Variants in TFDP1 observed in about 807,000 individuals in gnomAD.
TFDP1 encodes the protein DRTF1-polypeptide 1.
In TFDP1, 6 loss-of-function variants were observed where a neutral mutation model predicts 48.0. That is an observed-to-expected ratio of 0.13 (90% CI 0.07 to 0.25). The LOEUF (loss-of-function observed/expected upper bound fraction) is 0.25. Among genes scored for constraint, TFDP1 ranks in the 10% least tolerant of loss-of-function variants. The pLI, the probability that TFDP1 is intolerant of heterozygous loss-of-function variation, is 1.00. For synonymous variants in TFDP1, 201 were observed against 211.6 expected (o/e 0.95, Z 0.44); for missense variants, 335 against 543.0 (o/e 0.62, Z 3.81).
rs4150756 is a variant in TFDP1, at chr13:113,623,226, C to T, written c.126C>T (p.Leu42=). 5.7e-3 allele frequency: 9,184 copies of T among 1,613,614 alleles called. 287 individuals are homozygous for T. In the East Asian group the frequency reaches 0.091, roughly 16 times the overall value. Residue 42 remains leucine, a synonymous_variant, in exon 4 of 12, where the codon CTC becomes CTT. Transcript: ENST00000375370. This position sits in a 1 kb window ranked among gnomAD's most constrained non-coding sequence, Gnocchi z 5.2. ...VAVHPSTVNP[L]GKQLLPKTFG... The stretch of plus-strand genomic sequence containing the variant: ...TTCACCCCTCCACCGTCAACCCGCT[C>T]GGGAAGCAGCTCTTGCCAAAAACCT...
rs1177063356 is a variant in TFDP1, at chr13:113,586,843, G to A, written c.12+994G>A. 2.0e-5 allele frequency among the ~76,000 whole-genome samples: 3 copies of A among 152,246 alleles called. 1 individual carries two copies. The highest frequency in any genetic ancestry group is 4.4e-5 in the Non-Finnish European group (3 of 68,052). On this transcript the variant is annotated intron_variant, in intron 2 of 11. Transcript: ENST00000375370. ...GTGTGTGAGCACCCAGGTGGACCCA[G>A]TGTGAGTTTTTGAAGTCATATCTGG...
intron 3 of TFDP1, among the ~76,000 whole-genome samples, chr13:113,614,272 TGTG>T (rs2048801602): frequency 6.6e-6 from 1 of 151,932 alleles, no homozygotes; most frequent in Admixed American, 6.6e-5. Flanking sequence ...GTGTGTGAGT[TGTG>T]TGTGTGTAAG....
At chr13:113,626,486 C>G (rs2049182543) in intron 4 of TFDP1, among the ~76,000 whole-genome samples, 1 of 152,024 alleles carries the variant, frequency 6.6e-6, no homozygotes, top group Non-Finnish European at 1.5e-5. Context: ...TCCCCGCGCT[C>G]CCTTCCCCGC....
intron 5 of TFDP1, among the ~76,000 whole-genome samples, chr13:113,632,676 G>T (rs556043685): frequency 6.6e-6 from 1 of 152,238 alleles, no homozygotes; most frequent in Non-Finnish European, 1.5e-5. Context: ...TACTCGGGAG[G>T]CTGAGGCAGG....
At chr13:113,585,966 A>G (rs2047993268) in intron 2 of TFDP1, 117 bp downstream of exon 2, 1 of 1,223,478 alleles carries the variant, frequency 8.2e-7, no homozygotes, top group African/African-American at 1.5e-5. Flanking sequence ...TTATTTTCAG[A>G]CTTTTAAAGC....
At chr13:113,586,912 G>A (rs11617870) in intron 2 of TFDP1, among the ~76,000 whole-genome samples, 18,660 of 152,214 alleles carry the variant, frequency 0.12, 1,656 homozygotes, top group Admixed American at 0.26. Flanking sequence ...GTGCTTGTCC[G>A]TACCATGCCC....
rs2049398278 is a variant in TFDP1 at position 113,633,679 on chromosome 13, G to A, written c.475-211G>A. 6.6e-6 allele frequency among the ~76,000 whole-genome samples: 1 copy of A among 152,134 alleles called. No individual in the cohort carries two copies. The highest frequency in any genetic ancestry group is 6.5e-5 in the Admixed American group (1 of 15,276). On this transcript the variant is annotated intron_variant, in intron 6 of 11. Coordinates refer to ENST00000375370, the MANE Select transcript of TFDP1 (RefSeq NM_007111.5). The surrounding 1 kb of genome is among the most constrained non-coding windows in gnomAD (Gnocchi z 4.5). ...CACCAGCTGGGCTCGACACCCGAGA[G>A]CCCCCGGCTCTCCTTCTGGAACACA... is the stretch of plus-strand genomic sequence containing the variant.
intron 8 of TFDP1, among the ~76,000 whole-genome samples, chr13:113,634,852 T>C (rs1034320975): frequency 1.3e-5 from 2 of 151,422 alleles, no homozygotes; most frequent in Non-Finnish European, 2.9e-5. Context: ...CATGTGCCTG[T>C]GTGCGTGCGT....
At position 113,623,298 on chromosome 13, in the gene TFDP1, G is replaced by T; in HGVS notation, c.186+12G>T. On this transcript the variant is annotated intron_variant, in intron 4 of 11. Transcript: ENST00000375370. The surrounding 1 kb of genome is among the most constrained non-coding windows in gnomAD (Gnocchi z 5.2). Reference sequence around the variant, plus strand: ...TTGCCCAGCAAGTGGTAAGCCTCCCGCAGGAGCGGACAGCCGGGATCTCGG... The same window carrying T: ...TTGCCCAGCAAGTGGTAAGCCTCCCTCAGGAGCGGACAGCCGGGATCTCGG... 4 of 1,600,654 alleles carry T rather than the reference G, an allele frequency of 2.5e-6. No individual in the cohort carries two copies. The highest frequency in any genetic ancestry group is 2.6e-6 in the Non-Finnish European group (3 of 1,173,422).
In TFDP1 at chr13:113,592,118, A is replaced by G. The variant is rs138290525; in HGVS notation, c.12+6269A>G. 2.8e-4 allele frequency among the ~76,000 whole-genome samples: 42 copies of G among 152,316 alleles called. No individual in the cohort carries two copies. The East Asian group carries it at 7.9e-3, about 29-fold the overall frequency. ...TTTTGAGACTCAAGGATGAAGAGTT[A>G]TATCTGCCTCTTCCCGTTAGTCTTT... On this transcript the variant is annotated intron_variant, in intron 2 of 11. Transcript: ENST00000375370.
At chr13:113,597,445 A>C (rs1173970741) in intron 2 of TFDP1, among the ~76,000 whole-genome samples, 5 of 152,102 alleles carry the variant, frequency 3.3e-5, no homozygotes, top group African/African-American at 9.7e-5. Context: ...TTCCCACCGG[A>C]ACCTGTGTGA....
intron 3 of TFDP1, among the ~76,000 whole-genome samples, chr13:113,613,708 TGG>T (rs916131834): frequency 7.1e-6 from 1 of 140,948 alleles, no homozygotes; most frequent in African/African-American, 2.8e-5. Flanking sequence ...CGTGAATGCG[TGG>T]GTATGTGAGG....
chr13:113,593,640 TCACC>T (rs2048206211), intron 2 of TFDP1, among the ~76,000 whole-genome samples: 1 of 127,086 alleles, frequency 7.9e-6, no homozygotes, highest in Non-Finnish European at 1.6e-5. Flanking sequence ...GTGCAGGTCC[TCACC>T]CACCCAGGTG....
chr13:113,622,060 G>A (rs529906314), intron 3 of TFDP1, among the ~76,000 whole-genome samples: 21 of 152,284 alleles, frequency 1.4e-4, no homozygotes, highest in East Asian at 1.2e-3. Context: ...TCTCTGCCTC[G>A]GCTGCCAGGC....
chr13:113,616,512 T>A (rs2048863402), intron 3 of TFDP1, among the ~76,000 whole-genome samples: 1 of 152,220 alleles, frequency 6.6e-6, no homozygotes, highest in South Asian at 2.1e-4. Context: ...TTGCTGCTCA[T>A]CTGGGAGTGC....
chr13:113,605,943 G>A (rs976799985), intron 2 of TFDP1, among the ~76,000 whole-genome samples: 10 of 139,060 alleles, frequency 7.2e-5, no homozygotes, highest in Non-Finnish European at 1.2e-4. Flanking sequence ...GTGGGAAGGC[G>A]GCGCGGTGGT....
chr13:113,597,403 G>A (rs36048590), intron 2 of TFDP1, among the ~76,000 whole-genome samples: 3,332 of 152,310 alleles, frequency 0.022, 47 homozygotes, highest in Non-Finnish European at 0.034. Context: ...GCGCTGTCTG[G>A]CAGCGTGTGC....
intron 3 of TFDP1, among the ~76,000 whole-genome samples, chr13:113,613,277 G>A (rs2048753368): frequency 6.6e-6 from 1 of 152,246 alleles, no homozygotes; most frequent in Admixed American, 6.5e-5. Context: ...GCCTCCCAAA[G>A]TGCTGGGATT....
intron 2 of TFDP1, among the ~76,000 whole-genome samples, chr13:113,586,643 C>T (rs1051865223): frequency 1.3e-5 from 2 of 152,244 alleles, no homozygotes; most frequent in Admixed American, 6.5e-5. Flanking sequence ...CATGCTGCCT[C>T]TGCCTGAGAT....
Sources: allele counts gnomAD v4.1 joint callset (sites outside exome capture counted in the v4.1 genomes callset), GRCh38; gene constraint gnomAD v4.1.1; non-coding constraint Gnocchi (gnomAD v3.1); transcripts MANE v1.5; gene names NCBI Gene and HGNC (gene_info 2026-07-23, HGNC 2026-07-21).